ACOX3: variants seen among roughly 807,000 people sequenced by gnomAD.
ACOX3 encodes the protein acyl-CoA oxidase 3, pristanoyl.
ACOX3 carries 73 observed loss-of-function variants against 81.5 expected under a neutral mutation model. The ratio of observed to expected loss-of-function variants is 0.90; its 90% confidence interval spans 0.74 to 1.09. The LOEUF (loss-of-function observed/expected upper bound fraction) is 1.09. ACOX3 is among the 50% of genes least tolerant of loss of function. The pLI is 0.00. For missense variants in ACOX3, 947 were observed against 928.0 expected (o/e 1.02, Z -0.27); for synonymous variants, 387 against 375.1 (o/e 1.03, Z -0.37).
In ACOX3 at chr4:8,415,877, G is replaced by A. The variant is rs564646521; in HGVS notation, c.267C>T (p.Asp89=). The A allele has an allele frequency of 1.9e-6, 3 of 1,614,218 alleles. No homozygotes were observed. Among genetic ancestry groups the A allele is most frequent in the African/African-American group, 1.3e-5 (1 of 75,054 alleles). ...TGAACATGTCTTCGACACTGAGGAA[G>A]TCATACTCGAAGATCCGCTTGCATC... The part of the protein sequence containing the change: ...FLRCKRIFEY[D]FLSVEDMFKS... The change falls in exon 3 of 18, where the codon GAC becomes GAT. Residue 89 remains aspartate (D), a synonymous_variant. Coordinates refer to ENST00000356406, the MANE Select transcript of ACOX3 (RefSeq NM_003501.3).
chr4:8,362,857 C>G (rs1715264065), downstream of ACOX3, among the ~76,000 whole-genome samples: 1 of 152,206 alleles, frequency 6.6e-6, no homozygotes, highest in Non-Finnish European at 1.5e-5. Flanking sequence ...ACAGTTCCAT[C>G]AAAGCCAATT....
At chr4:8,365,372 C>T (rs1715348047), downstream of ACOX3, among the ~76,000 whole-genome samples, 1 of 152,226 alleles carries the variant, frequency 6.6e-6, no homozygotes, top group African/African-American at 2.4e-5. Flanking sequence ...TTTGTTTAAA[C>T]CCAAGGAAGC....
Position 8,389,124 on chromosome 4 carries a change from A to C in ACOX3, c.1537+49T>G. The C allele has an allele frequency of 6.7e-7, 1 of 1,502,996 alleles. No homozygotes were observed. The highest frequency in any genetic ancestry group is 9.2e-7 in the Non-Finnish European group (1 of 1,083,592). 93.1% of individuals were successfully genotyped at this position (1,502,996 alleles called of 1,614,324 possible). A position where few individuals can be genotyped will look rare whatever the true frequency, so the allele number is the denominator to read the frequency against. Reference sequence around the variant, plus strand: ...GAGGCACGGTGCGTTTCCTGGTGGGAATGACAGGAAATCAGGAGGCCAGGG... The same window carrying C: ...GAGGCACGGTGCGTTTCCTGGTGGGCATGACAGGAAATCAGGAGGCCAGGG... On this transcript the variant is annotated intron_variant, in intron 13 of 17. Coordinates refer to ENST00000356406, the MANE Select transcript of ACOX3 (RefSeq NM_003501.3). This position sits in a 1 kb window ranked among gnomAD's most constrained non-coding sequence, Gnocchi z 5.3.
Position 8,406,118 on chromosome 4 carries a change from A to G in ACOX3, c.688-75T>C. The G allele has an allele frequency of 1.4e-6, 2 of 1,466,004 alleles. No homozygotes were observed. Among genetic ancestry groups the G allele is most frequent in the Non-Finnish European group, 1.9e-6 (2 of 1,049,408 alleles). The allele number at this position is 1,466,004 out of a possible 1,614,324, so 90.8% of individuals were successfully genotyped here. Reference sequence around the variant, plus strand: ...AAAATCAAAACAAATGTGTTCAGAAACCCACAGGGTGGGCCATGGGCTCAA... The same window carrying G: ...AAAATCAAAACAAATGTGTTCAGAAGCCCACAGGGTGGGCCATGGGCTCAA... On this transcript the variant is annotated intron_variant, in intron 6 of 17. Coordinates refer to ENST00000356406, the MANE Select transcript of ACOX3 (RefSeq NM_003501.3). This position sits in a 1 kb window ranked among gnomAD's most constrained non-coding sequence, Gnocchi z 5.6.
At chr4:8,358,708 C>G in the ACOX3 span, among the ~76,000 whole-genome samples, 1 of 152,172 alleles carries the variant, frequency 6.6e-6, no homozygotes, top group Non-Finnish European at 1.5e-5. Context: ...CTGCTACACT[C>G]CCACCAGCAC....
intron 3 of ACOX3, among the ~76,000 whole-genome samples, chr4:8,415,417 A>AT (rs202191106): frequency 0.028 from 4,066 of 146,748 alleles, 72 homozygotes; most frequent in South Asian, 0.042. Flanking sequence ...AAATTTTTTT[A>AT]TTTTTTTTTT....
rs1174145782 is a variant in ACOX3 at position 8,394,797 on chromosome 4, C to T, written c.1057-55G>A. 8 of 1,579,158 alleles carry T rather than the reference C, an allele frequency of 5.1e-6. No homozygotes were observed. In the African/African-American group the frequency reaches 9.4e-5, roughly 19 times the overall value. ...CATCGTGGTTCCCATGAAGGGCAGC[C>T]CATCCCAGGGACCATGAAAGCCAGT... On this transcript the variant is annotated intron_variant, in intron 9 of 17. Coordinates refer to ENST00000356406, the MANE Select transcript of ACOX3 (RefSeq NM_003501.3). The surrounding 1 kb of genome is among the most constrained non-coding windows in gnomAD (Gnocchi z 5.9).
chr4:8,372,608 G>A (rs960346525), intron 16 of ACOX3, among the ~76,000 whole-genome samples: 7 of 152,146 alleles, frequency 4.6e-5, no homozygotes, highest in Non-Finnish European at 1.0e-4. Context: ...ACATACGTGC[G>A]CCACAATCAG....
rs1042765459 is a variant in ACOX3, at chr4:8,406,063, G to A, written c.688-20C>T. 1 of 1,604,210 alleles carries A rather than the reference G, an allele frequency of 6.2e-7. No homozygotes were observed. On this transcript the variant is annotated intron_variant, in intron 6 of 17. Coordinates refer to ENST00000356406, the MANE Select transcript of ACOX3 (RefSeq NM_003501.3). This position sits in a 1 kb window ranked among gnomAD's most constrained non-coding sequence, Gnocchi z 5.6. ...CCGGATCTATACAAAGCCACAGAAA[G>A]CAGCAAACAGCAACTGTTACAATCA...
At chr4:8,373,831 C>G (rs1267372487) in intron 15 of ACOX3, 1 of 603,120 alleles carries the variant, frequency 1.7e-6, no homozygotes, top group Non-Finnish European at 3.0e-6. Flanking sequence ...CCTTTTCCCA[C>G]TCAGGCATTG....
chr4:8,416,541 CA>C lies in ACOX3; in HGVS notation c.-14-7del. Reference sequence around the variant, plus strand: ...TGCCATCGCGTGATAAGAGCCTGCACAAAACATGCAACCTGAATCCATGCTC... The same window carrying C: ...TGCCATCGCGTGATAAGAGCCTGCACAAACATGCAACCTGAATCCATGCTC... On this transcript the variant is annotated splice_region_variant and splice_polypyrimidine_tract_variant and intron_variant, in intron 1 of 17. Transcript: ENST00000356406. This position sits in a 1 kb window ranked among gnomAD's most constrained non-coding sequence, Gnocchi z 4.2. 1 of 1,574,460 alleles carries C rather than the reference CA, an allele frequency of 6.4e-7. No individual in the cohort carries two copies. Among genetic ancestry groups the C allele is most frequent in the Non-Finnish European group, 8.6e-7 (1 of 1,159,478 alleles).
At chr4:8,424,979 T>G (rs1453919660) in intron 1 of ACOX3, among the ~76,000 whole-genome samples, 1 of 152,158 alleles carries the variant, frequency 6.6e-6, no homozygotes, top group African/African-American at 2.4e-5. Flanking sequence ...ACTCAGGCAC[T>G]AAAATTAGGA....
intron 14 of ACOX3, among the ~76,000 whole-genome samples, chr4:8,375,850 C>G (rs1386980108): frequency 6.6e-6 from 1 of 152,206 alleles, no homozygotes; most frequent in Non-Finnish European, 1.5e-5. Flanking sequence ...CATGACTGTT[C>G]GTAGTGATGG....
At position 8,416,115 on chromosome 4, in the gene ACOX3, A is replaced by C. The variant is rs900078902; in HGVS notation, c.145-116T>G. ...TCATGGGACACAGTCTGACCCGGAG[A>C]CACCCAGACAGAGATATGACTATCA... On this transcript the variant is annotated intron_variant, in intron 2 of 17. Coordinates refer to ENST00000356406, the MANE Select transcript of ACOX3 (RefSeq NM_003501.3). This position sits in a 1 kb window ranked among gnomAD's most constrained non-coding sequence, Gnocchi z 4.2. 1 of 1,092,834 alleles carries C rather than the reference A, an allele frequency of 9.2e-7. No individual in the cohort carries two copies. Among genetic ancestry groups the C allele is most frequent in the African/African-American group, 1.6e-5 (1 of 63,554 alleles). The allele number at this position is 1,092,834 out of a possible 1,614,324, so 67.7% of individuals were successfully genotyped here. A position where few individuals can be genotyped will look rare whatever the true frequency, so the allele number is the denominator to read the frequency against.
rs1020508482 is a variant in ACOX3, at chr4:8,430,786, G to C, written c.-15+9862C>G. 6.6e-6 allele frequency among the ~76,000 whole-genome samples: 1 copy of C among 152,190 alleles called. No individual in the cohort carries two copies. Among genetic ancestry groups the C allele is most frequent in the African/African-American group, 2.4e-5 (1 of 41,444 alleles). On this transcript the variant is annotated intron_variant, in intron 1 of 17. Coordinates refer to ENST00000356406, the MANE Select transcript of ACOX3 (RefSeq NM_003501.3). This position sits in a 1 kb window ranked among gnomAD's most constrained non-coding sequence, Gnocchi z 5.2. ...CAAGAGAATCGCCTGAACGCAGGAG[G>C]TAGAGGTTGCAGTGAGCCAAGGTAG...
At chr4:8,369,373 C>T (rs1715868693) in intron 17 of ACOX3, among the ~76,000 whole-genome samples, 1 of 152,222 alleles carries the variant, frequency 6.6e-6, no homozygotes, top group Non-Finnish European at 1.5e-5. Context: ...TCTTCTCTCC[C>T]TACAGCAGGG....
chr4:8,416,838 C>A lies in ACOX3; in HGVS notation c.-14-303G>T, dbSNP rs1578974844. On this transcript the variant is annotated intron_variant, in intron 1 of 17. Coordinates refer to ENST00000356406, the MANE Select transcript of ACOX3 (RefSeq NM_003501.3). This position sits in a 1 kb window ranked among gnomAD's most constrained non-coding sequence, Gnocchi z 4.2. ...TGTCAGAGTCTTGTTTTCTGTCACACAGCCTTGCCTGAGAGTACCCTGCCC... is the reference window on the plus strand; with the variant it reads ...TGTCAGAGTCTTGTTTTCTGTCACAAAGCCTTGCCTGAGAGTACCCTGCCC... Among the ~76,000 whole-genome samples, 1 of 152,242 alleles carries A rather than the reference C, an allele frequency of 6.6e-6. No individual in the cohort carries two copies. The highest frequency in any genetic ancestry group is 2.4e-5 in the African/African-American group (1 of 41,460).
rs1717871810 is a variant in ACOX3, at chr4:8,382,977, C to T, written c.1538-1370G>A. Among the ~76,000 whole-genome samples the T allele has an allele frequency of 1.5e-5, 2 of 129,280 alleles. No homozygotes were observed. The highest frequency in any genetic ancestry group is 2.3e-4 in the East Asian group (1 of 4,444). 84.8% of individuals were successfully genotyped at this position (129,280 alleles called of 152,430 possible). ...CTGCACTCCAGCCTGGGCGACAGAG[C>T]GAGACTCCGTCTCAAAAAAAAAAAA... is the stretch of plus-strand genomic sequence containing the variant. On this transcript the variant is annotated intron_variant, in intron 13 of 17. Transcript: ENST00000356406. The surrounding 1 kb of genome is among the most constrained non-coding windows in gnomAD (Gnocchi z 4.1).
At chr4:8,392,223 C>G in intron 11 of ACOX3, 110 bp downstream of exon 11, 1 of 1,302,988 alleles carries the variant, frequency 7.7e-7, no homozygotes, top group Non-Finnish European at 1.0e-6. Flanking sequence ...TTTGCAAAAA[C>G]AGGTGGCAGG....
Sources: allele counts gnomAD v4.1 joint callset (sites outside exome capture counted in the v4.1 genomes callset), GRCh38; gene constraint gnomAD v4.1.1; non-coding constraint Gnocchi (gnomAD v3.1); transcripts MANE v1.5; gene names NCBI Gene and HGNC (gene_info 2026-07-23, HGNC 2026-07-21).